CACNG3: variants seen among roughly 807,000 people sequenced by gnomAD.
The protein encoded by CACNG3 is calcium voltage-gated channel auxiliary subunit gamma 3.
Under a neutral mutation model 28.5 loss-of-function variants are expected in CACNG3, and 3 were observed. The ratio of observed to expected loss-of-function variants is 0.11; its 90% CI spans 0.05 to 0.27. CACNG3 has a LOEUF of 0.27. Ranked by LOEUF, CACNG3 falls within the 10% of genes least tolerant of loss-of-function variation. The pLI, the probability that CACNG3 is intolerant of heterozygous loss-of-function variation, is 1.00. For missense variants in CACNG3, 236 were observed against 414.4 expected (o/e 0.57, Z 3.74); for synonymous variants, 174 against 162.2 (o/e 1.07, Z -0.55).
At chr16:24,264,547 G>A (rs148442932) in intron 1 of CACNG3, among the ~76,000 whole-genome samples, 9 of 152,292 alleles carry the variant, frequency 5.9e-5, no homozygotes, top group Admixed American at 2.6e-4. Context: ...TACACAGAGC[G>A]CCTGGCAATT....
intron 1 of CACNG3, among the ~76,000 whole-genome samples, chr16:24,332,947 C>T (rs149203446): frequency 1.2e-3 from 177 of 152,194 alleles, no homozygotes; most frequent in African/African-American, 4.0e-3. Flanking sequence ...CAAGAGCCTG[C>T]TGGAGGGACA....
chr16:24,345,838 G>A (rs1048703544), intron 1 of CACNG3, among the ~76,000 whole-genome samples: 1 of 152,206 alleles, frequency 6.6e-6, no homozygotes, highest in Non-Finnish European at 1.5e-5. Flanking sequence ...GGGAAAGGGA[G>A]TGTCCTGTGG....
intron 1 of CACNG3, among the ~76,000 whole-genome samples, chr16:24,328,758 A>C (rs1007346279): frequency 6.6e-6 from 1 of 152,206 alleles, no homozygotes; most frequent in Admixed American, 6.5e-5. Flanking sequence ...AAGGCCTGGC[A>C]GCCATAAGAC....
At chr16:24,287,514 CAA>C (rs748719520) in intron 1 of CACNG3, among the ~76,000 whole-genome samples, 12 of 31,300 alleles carry the variant, frequency 3.8e-4, no homozygotes, top group East Asian at 9.0e-4. Context: ...CGAGACTCTC[CAA>C]AAAAAAAAAA....
At chr16:24,316,752 G>T (rs770733016) in intron 1 of CACNG3, among the ~76,000 whole-genome samples, 3 of 152,190 alleles carry the variant, frequency 2.0e-5, no homozygotes, top group Middle Eastern at 6.3e-3. Flanking sequence ...TGAGTGACAC[G>T]GTTTGGCCCA....
chr16:24,323,858 C>T (rs148585115), intron 1 of CACNG3, among the ~76,000 whole-genome samples: 3,307 of 152,280 alleles, frequency 0.022, 61 homozygotes, highest in South Asian at 0.052. Context: ...ACCTCCACCT[C>T]CCAGGTTCAA....
chr16:24,296,273 G>T (rs1201906017), intron 1 of CACNG3, among the ~76,000 whole-genome samples: 1 of 152,198 alleles, frequency 6.6e-6, no homozygotes, highest in East Asian at 1.9e-4. Flanking sequence ...AAGTCAGTTT[G>T]CCCTGAGAGT....
intron 1 of CACNG3, among the ~76,000 whole-genome samples, chr16:24,281,379 T>TC (rs1898825567): frequency 6.6e-6 from 1 of 151,802 alleles, no homozygotes; most frequent in Admixed American, 6.6e-5. Context: ...TTTGACTTTT[T>TC]TTTTTTGGTA....
intron 1 of CACNG3, among the ~76,000 whole-genome samples, chr16:24,332,328 G>A (rs564153222): frequency 8.5e-5 from 13 of 152,216 alleles, no homozygotes; most frequent in Admixed American, 6.5e-4. Flanking sequence ...AGCCAAGGGC[G>A]ATGACATGCA....
intron 1 of CACNG3, among the ~76,000 whole-genome samples, chr16:24,317,692 GAAAGAAAGAAAGAAAGAAAGA>G (rs1899398569): frequency 9.3e-6 from 1 of 107,234 alleles, no homozygotes; most frequent in African/African-American, 4.1e-5. Context: ...AAGAAAGAAA[GAAAGAAAGAAAGAAAGAAAGA>G]AAAGAAAGAA....
At chr16:24,306,664 C>G (rs1899189412) in intron 1 of CACNG3, among the ~76,000 whole-genome samples, 1 of 152,142 alleles carries the variant, frequency 6.6e-6, no homozygotes, top group South Asian at 2.1e-4. Flanking sequence ...ATACACACAC[C>G]CTACAGTTTG....
At chr16:24,335,246 G>T (rs928632950) in intron 1 of CACNG3, among the ~76,000 whole-genome samples, 1 of 151,776 alleles carries the variant, frequency 6.6e-6, no homozygotes, top group African/African-American at 2.4e-5. Flanking sequence ...ATGGTGAAAC[G>T]CTGTCTGTAC....
intron 1 of CACNG3, among the ~76,000 whole-genome samples, chr16:24,286,394 TTA>T (rs895548344): frequency 3.4e-5 from 5 of 148,268 alleles, no homozygotes; most frequent in African/African-American, 1.3e-4. Flanking sequence ...AATGTCTTGA[TTA>T]TTAAATGAAG....
chr16:24,322,453 C>A (rs1460151868), intron 1 of CACNG3, among the ~76,000 whole-genome samples: 1 of 152,132 alleles, frequency 6.6e-6, no homozygotes. Flanking sequence ...TAAACACACT[C>A]TTTTTTCTCT....
intron 1 of CACNG3, among the ~76,000 whole-genome samples, chr16:24,273,531 C>G (rs1221755700): frequency 1.3e-5 from 2 of 152,214 alleles, no homozygotes; most frequent in African/African-American, 4.8e-5. Flanking sequence ...ACTCTGGTTG[C>G]ATCCTATTCT....
chr16:24,263,951 G>A (rs189153491), intron 1 of CACNG3, among the ~76,000 whole-genome samples: 23 of 152,304 alleles, frequency 1.5e-4, no homozygotes, highest in Admixed American at 9.1e-4. Context: ...ATGATTGAGT[G>A]CTGGATTGGA....
chr16:24,291,354 T>A (rs1898965278), intron 1 of CACNG3, among the ~76,000 whole-genome samples: 1 of 152,180 alleles, frequency 6.6e-6, no homozygotes, highest in Non-Finnish European at 1.5e-5. Flanking sequence ...CTGTCAACAA[T>A]ACTTCTGGCA....
intron 1 of CACNG3, among the ~76,000 whole-genome samples, chr16:24,284,827 C>G (rs928959919): frequency 6.6e-6 from 1 of 152,050 alleles, no homozygotes; most frequent in Admixed American, 6.6e-5. Context: ...CACTAGACCT[C>G]GCAGATAAGT....
At chr16:24,317,450 G>A (rs932028182) in intron 1 of CACNG3, among the ~76,000 whole-genome samples, 16 of 151,296 alleles carry the variant, frequency 1.1e-4, no homozygotes, top group Non-Finnish European at 2.9e-5. Context: ...GCTGAGGCAC[G>A]AGAATTGCTT....
Sources: gnomAD v4.1 joint callset for allele counts (sites outside exome capture counted in the v4.1 genomes callset) on GRCh38, gnomAD v4.1.1 for gene constraint, MANE v1.5 for transcripts, NCBI Gene and HGNC (gene_info 2026-07-23, HGNC 2026-07-21) for gene names.